Variants in XPNPEP3 observed in about 807,000 individuals in gnomAD.
XPNPEP3 encodes the protein X-prolyl aminopeptidase 3.
Under a neutral mutation model 60.0 loss-of-function variants are expected in XPNPEP3, and 41 were observed. That is an observed-to-expected ratio of 0.68 (90% confidence interval 0.53 to 0.89). The LOEUF is 0.89. Among genes scored for constraint, XPNPEP3 ranks in the 40% least tolerant of loss-of-function variants. The pLI, the probability that XPNPEP3 is intolerant of heterozygous loss-of-function variation, is 0.00. For missense variants in XPNPEP3, 598 were observed against 638.9 expected (o/e 0.94, Z 0.69); for synonymous variants, 212 against 223.2 (o/e 0.95, Z 0.45).
chr22:40,857,449 A>G (rs1354659808), intron 1 of XPNPEP3, among the ~76,000 whole-genome samples: 1 of 152,198 alleles, frequency 6.6e-6, no homozygotes, highest in African/African-American at 2.4e-5. Flanking sequence ...GTATTTTGTG[A>G]AGCCGAAATG....
chr22:40,899,201 T>C (rs577681941), intron 4 of XPNPEP3, among the ~76,000 whole-genome samples: 1 of 152,298 alleles, frequency 6.6e-6, no homozygotes, highest in East Asian at 1.9e-4. Context: ...TTAGCTGTGG[T>C]TGGTCTCAGC....
intron 1 of XPNPEP3, among the ~76,000 whole-genome samples, chr22:40,868,363 G>T (rs1426344447): frequency 6.6e-6 from 1 of 151,732 alleles, no homozygotes. Flanking sequence ...TCCTTCCCCT[G>T]CCTTTTTTGG....
At chr22:40,870,657 T>C (rs1445266265) in intron 2 of XPNPEP3, among the ~76,000 whole-genome samples, 1 of 152,192 alleles carries the variant, frequency 6.6e-6, no homozygotes, top group African/African-American at 2.4e-5. Context: ...GTGTTTCTCC[T>C]TCCAGAGATG....
intron 4 of XPNPEP3, among the ~76,000 whole-genome samples, chr22:40,902,283 C>T (rs1601511729): frequency 7.3e-6 from 1 of 136,754 alleles, no homozygotes; most frequent in East Asian, 2.2e-4. Flanking sequence ...TGGAGTCTCG[C>T]TCTGTCGCCG....
rs757713515 is a variant in XPNPEP3 at position 40,924,481 on chromosome 22, C to T, written c.1356C>T (p.Pro452=). The part of the protein sequence containing the change: ...LQPGMVITIE[P]GIYIPEDDKD... The stretch of plus-strand genomic sequence containing the variant: ...CTGGGATGGTAATCACAATTGAGCC[C>T]GGTAAGGAGAGGTGTTACAATAGTA... The change falls in exon 9 of 10, where the codon CCC becomes CCT. Residue 452 remains proline (P), a splice_region_variant and synonymous_variant. Transcript: ENST00000357137. 11 of 1,613,940 alleles carry T rather than the reference C, an allele frequency of 6.8e-6. No homozygotes were observed. The highest frequency in any genetic ancestry group is 2.2e-5 in the East Asian group (1 of 44,886).
chr22:40,883,699 C>G (rs1484091339), intron 3 of XPNPEP3, among the ~76,000 whole-genome samples: 1 of 152,080 alleles, frequency 6.6e-6, no homozygotes, highest in African/African-American at 2.4e-5. Flanking sequence ...ATTACTTTCT[C>G]TACAGTTATT....
intron 1 of XPNPEP3, among the ~76,000 whole-genome samples, 154 bp downstream of exon 1, chr22:40,857,399 C>T (rs2057907992): frequency 6.6e-6 from 1 of 152,202 alleles, no homozygotes; most frequent in Admixed American, 6.5e-5. Flanking sequence ...ACCGGCTGCT[C>T]CTGGAAAGGG....
At chr22:40,863,774 G>T (rs577795560) in intron 1 of XPNPEP3, among the ~76,000 whole-genome samples, 1 of 152,150 alleles carries the variant, frequency 6.6e-6, no homozygotes, top group South Asian at 2.1e-4. Flanking sequence ...AATATTTTAT[G>T]CCCATAAGAA....
At chr22:40,895,559 T>G (rs1212223784) in intron 4 of XPNPEP3, among the ~76,000 whole-genome samples, 2 of 152,112 alleles carry the variant, frequency 1.3e-5, no homozygotes, top group Non-Finnish European at 2.9e-5. Flanking sequence ...AATCTTGAAC[T>G]GCTGACCTCA....
At chr22:40,913,566 T>C (rs1239322847) in intron 6 of XPNPEP3, among the ~76,000 whole-genome samples, 1 of 151,876 alleles carries the variant, frequency 6.6e-6, no homozygotes, top group Non-Finnish European at 1.5e-5. Context: ...TCTTGTTTCA[T>C]AAAGCAAAGG....
At chr22:40,895,017 A>G (rs144888084) in intron 4 of XPNPEP3, among the ~76,000 whole-genome samples, 9 of 152,114 alleles carry the variant, frequency 5.9e-5, no homozygotes, top group African/African-American at 2.2e-4. Flanking sequence ...CTGTTGACCA[A>G]CTCGTTCTTA....
Position 40,898,500 on chromosome 22 carries a change from G to A in XPNPEP3, c.793-9087G>A, listed in dbSNP as rs1199019307. On this transcript the variant is annotated intron_variant, in intron 4 of 9. Coordinates refer to ENST00000357137, the MANE Select transcript of XPNPEP3 (RefSeq NM_022098.4). ...GATCTCCTGACCTCATGATCCACCC[G>A]CCTCGGCCTCCCAAAGTGCTGGGAT... Among the ~76,000 whole-genome samples the A allele has an allele frequency of 4.8e-5, 7 of 146,144 alleles. 1 individual carries two copies. Among genetic ancestry groups the A allele is most frequent in the African/African-American group, 1.9e-4 (7 of 36,976 alleles).
intron 3 of XPNPEP3, among the ~76,000 whole-genome samples, chr22:40,885,346 A>G (rs942174137): frequency 3.9e-5 from 6 of 152,004 alleles, no homozygotes; most frequent in African/African-American, 1.5e-4. Context: ...AGTGCAAATC[A>G]TTTTTATAAT....
intron 1 of XPNPEP3, chr22:40,861,109 T>G: frequency 6.2e-7 from 1 of 1,611,086 alleles, no homozygotes; most frequent in Non-Finnish European, 8.5e-7. Context: ...TCTTTACGCT[T>G]CTTTTTTTTC....
rs186111722 is a variant in XPNPEP3, at chr22:40,870,582, C to T, written c.181+1467C>T. On this transcript the variant is annotated intron_variant, in intron 2 of 9. Transcript: ENST00000357137. ...AATTATTAGTATTTTAAACCTCAAA[C>T]TATCAGATGTACCATTAGGTACAGA... is the stretch of plus-strand genomic sequence containing the variant. Among the ~76,000 whole-genome samples the T allele has an allele frequency of 3.0e-3, 461 of 152,196 alleles. 4 individuals are homozygous for T. Among genetic ancestry groups the T allele is most frequent in the Middle Eastern group, 0.014 (4 of 294 alleles).
intron 1 of XPNPEP3, chr22:40,862,463 C>G: frequency 1.0e-6 from 1 of 986,322 alleles, no homozygotes; most frequent in South Asian, 4.7e-5. Flanking sequence ...TACTGACTTA[C>G]GGGTGAAGAA....
intron 4 of XPNPEP3, among the ~76,000 whole-genome samples, chr22:40,894,309 T>C (rs965760011): frequency 2.0e-5 from 3 of 152,206 alleles, no homozygotes; most frequent in African/African-American, 7.2e-5. Context: ...AAGCATCTGT[T>C]GAGCTTCTGT....
Position 40,932,090 on chromosome 22 carries a change from T to C in XPNPEP3, c.*5655T>C, listed in dbSNP as rs1444379083. The C allele has an allele frequency of 6.6e-6, 1 of 152,198 alleles. No individual in the cohort carries two copies. The highest frequency in any genetic ancestry group is 1.5e-5 in the Non-Finnish European group (1 of 68,048). 9.4% of individuals were successfully genotyped at this position (152,198 alleles called of 1,614,324 possible). ...CCCCCTCCTGTTCCCATGTCAGAGA[T>C]GGAGAAGAAAGCACAGTGAGCTGTT... On this transcript the variant is annotated 3_prime_UTR_variant, in exon 10 of 10. Coordinates refer to ENST00000357137, the MANE Select transcript of XPNPEP3 (RefSeq NM_022098.4).
At chr22:40,924,699 T>G (rs2058228758) in intron 9 of XPNPEP3, among the ~76,000 whole-genome samples, 2 of 152,126 alleles carry the variant, frequency 1.3e-5, no homozygotes, top group Admixed American at 6.5e-5. Flanking sequence ...ATTTTTATAT[T>G]TTTAGTAGAG....
Sources: gnomAD v4.1 joint callset for allele counts (sites outside exome capture counted in the v4.1 genomes callset) on GRCh38, gnomAD v4.1.1 for gene constraint, MANE v1.5 for transcripts, NCBI Gene and HGNC (gene_info 2026-07-23, HGNC 2026-07-21) for gene names.